Variants in PPM1L observed in about 807,000 individuals in gnomAD.
PPM1L encodes protein phosphatase, Mg2+/Mn2+ dependent 1L.
Under a neutral mutation model 31.4 loss-of-function variants are expected in PPM1L, and 13 were observed. The ratio of observed to expected loss-of-function variants is 0.41; its 90% CI spans 0.27 to 0.66. The LOEUF is 0.66. Among genes scored for constraint, PPM1L ranks in the 30% least tolerant of loss-of-function variants. The pLI, the probability that PPM1L is intolerant of heterozygous loss-of-function variation, is 0.29. For synonymous variants in PPM1L, 184 were observed against 175.4 expected (o/e 1.05, Z -0.39); for missense variants, 326 against 453.7 (o/e 0.72, Z 2.56).
At chr3:160,815,498 T>A (rs1391119950) in intron 1 of PPM1L, among the ~76,000 whole-genome samples, 1 of 152,166 alleles carries the variant, frequency 6.6e-6, no homozygotes, top group Admixed American at 6.6e-5. Context: ...GTGGTACTTA[T>A]TAGCATATTA....
chr3:160,793,810 C>T (rs1395209927), intron 1 of PPM1L, among the ~76,000 whole-genome samples: 1 of 152,102 alleles, frequency 6.6e-6, no homozygotes, highest in East Asian at 1.9e-4. Context: ...CAAAAGTTCT[C>T]CTCTAGGTTA....
intron 1 of PPM1L, among the ~76,000 whole-genome samples, chr3:160,958,069 G>A (rs1394679559): frequency 2.0e-5 from 3 of 152,068 alleles, no homozygotes; most frequent in Non-Finnish European, 2.9e-5. Flanking sequence ...CCTTTGTCAG[G>A]TGCAGAATTT....
chr3:160,963,712 T>A (rs1234265116), intron 2 of PPM1L, among the ~76,000 whole-genome samples: 1 of 152,000 alleles, frequency 6.6e-6, no homozygotes, highest in East Asian at 1.9e-4. Context: ...AAGGTGAGCA[T>A]GAACATTAGC....
intron 2 of PPM1L, among the ~76,000 whole-genome samples, chr3:161,032,329 G>A (rs1170531461): frequency 1.3e-5 from 2 of 152,084 alleles, no homozygotes; most frequent in Non-Finnish European, 2.9e-5. Flanking sequence ...CAAAGTGTAC[G>A]AAAAATGTAT....
intron 2 of PPM1L, among the ~76,000 whole-genome samples, chr3:161,053,989 C>T (rs1001245904): frequency 4.6e-5 from 7 of 152,202 alleles, no homozygotes; most frequent in Non-Finnish European, 8.8e-5. Context: ...TCATTCCTGC[C>T]GCTCTGCTCT....
intron 1 of PPM1L, among the ~76,000 whole-genome samples, chr3:160,951,586 G>C (rs987532423): frequency 3.3e-5 from 5 of 152,166 alleles, no homozygotes; most frequent in Admixed American, 1.3e-4. Flanking sequence ...AATTAGGGAA[G>C]CCATCATACA....
At chr3:160,792,292 T>A (rs944822516) in intron 1 of PPM1L, among the ~76,000 whole-genome samples, 1 of 152,212 alleles carries the variant, frequency 6.6e-6, no homozygotes, top group Non-Finnish European at 1.5e-5. Context: ...TCTTTGGAAT[T>A]GTGGTATAAT....
At chr3:160,760,274 T>G (rs1714933928) in intron 1 of PPM1L, among the ~76,000 whole-genome samples, 1 of 152,210 alleles carries the variant, frequency 6.6e-6, no homozygotes, top group African/African-American at 2.4e-5. Flanking sequence ...ATTAAGAAAT[T>G]GGTATTCTGA....
chr3:160,907,897 A>G (rs1713818125), intron 1 of PPM1L, among the ~76,000 whole-genome samples: 1 of 152,050 alleles, frequency 6.6e-6, no homozygotes, highest in South Asian at 2.1e-4. Flanking sequence ...CTCTCCTCTT[A>G]CCCTCTGATC....
intron 1 of PPM1L, among the ~76,000 whole-genome samples, chr3:160,946,269 G>A (rs1241751346): frequency 2.6e-5 from 4 of 152,118 alleles, no homozygotes; most frequent in Non-Finnish European, 5.9e-5. Context: ...AAGGCTTACT[G>A]GGGGTTTGCA....
intron 1 of PPM1L, among the ~76,000 whole-genome samples, chr3:160,801,320 A>G (rs933568344): frequency 2.6e-5 from 4 of 152,164 alleles, no homozygotes; most frequent in African/African-American, 9.7e-5. Flanking sequence ...CTGAATACGA[A>G]CATAAAACCT....
At chr3:160,811,532 T>C (rs140936180) in intron 1 of PPM1L, among the ~76,000 whole-genome samples, 1 of 152,368 alleles carries the variant, frequency 6.6e-6, no homozygotes, top group East Asian at 1.9e-4. Context: ...ATATTCTCTA[T>C]CTGGCTCTTT....
chr3:160,934,725 G>T (rs1714903219), intron 1 of PPM1L, among the ~76,000 whole-genome samples: 1 of 152,132 alleles, frequency 6.6e-6, no homozygotes, highest in Non-Finnish European at 1.5e-5. Context: ...GGCCGAAGTG[G>T]GTGGATCACT....
At chr3:161,024,698 CAAAA>C (rs35498356) in intron 2 of PPM1L, among the ~76,000 whole-genome samples, 4 of 133,122 alleles carry the variant, frequency 3.0e-5, no homozygotes, top group Non-Finnish European at 4.9e-5. Flanking sequence ...AACTCCATCT[CAAAA>C]AAAAAAAAAA....
intron 2 of PPM1L, among the ~76,000 whole-genome samples, chr3:161,058,921 T>C (rs916654193): frequency 6.6e-6 from 1 of 152,198 alleles, no homozygotes; most frequent in Non-Finnish European, 1.5e-5. Context: ...AATGAATTAA[T>C]TGTCTAATAT....
rs1169591963 is a variant in PPM1L, at chr3:161,068,114, T to A, written c.737-697T>A. 2.6e-5 allele frequency among the ~76,000 whole-genome samples: 4 copies of A among 152,180 alleles called. No homozygotes were observed. In the East Asian group the frequency reaches 7.7e-4, roughly 29 times the overall value. On this transcript the variant is annotated intron_variant, in intron 3 of 3. Coordinates refer to ENST00000498165, the MANE Select transcript of PPM1L (RefSeq NM_139245.4). ...AAAAATAATAGATACAATTGTTAAG[T>A]GCATATTATGTTCAGGGACTGTGCC...
chr3:160,986,245 C>G (rs556464287), intron 2 of PPM1L, among the ~76,000 whole-genome samples: 14 of 152,238 alleles, frequency 9.2e-5, no homozygotes, highest in African/African-American at 3.4e-4. Flanking sequence ...TTTTGCTACC[C>G]ATGCCCACAT....
At chr3:160,990,106 C>T (rs1386452353) in intron 2 of PPM1L, among the ~76,000 whole-genome samples, 4 of 152,040 alleles carry the variant, frequency 2.6e-5, no homozygotes, top group Admixed American at 2.0e-4. Flanking sequence ...GTGATCCTCC[C>T]GCCTCAGCCT....
intron 1 of PPM1L, among the ~76,000 whole-genome samples, chr3:160,791,331 T>C (rs1407557860): frequency 3.3e-5 from 5 of 152,192 alleles, no homozygotes; most frequent in African/African-American, 1.2e-4. Flanking sequence ...CTGTTTCTCA[T>C]CTGAAAATAG....
Sources: gnomAD v4.1 joint callset for allele counts (sites outside exome capture counted in the v4.1 genomes callset) on GRCh38, gnomAD v4.1.1 for gene constraint, MANE v1.5 for transcripts, NCBI Gene and HGNC (gene_info 2026-07-23, HGNC 2026-07-21) for gene names.